The following MAP2K7 variants were observed in gnomAD, a reference collection of about 807,000 sequenced individuals.
The protein encoded by MAP2K7 is dual specificity mitogen-activated protein kinase kinase 7.
A neutral mutation model predicts 47.7 loss-of-function variants in MAP2K7; 12 were observed. That is an observed-to-expected ratio of 0.25 (90% CI 0.16 to 0.41). MAP2K7 has a LOEUF of 0.41. Ranked by LOEUF, MAP2K7 falls within the 10% of genes least tolerant of loss-of-function variation. The probability of loss-of-function intolerance (pLI) is 1.00; values close to 1 mark genes in which losing one functional copy is unlikely to be tolerated. For synonymous variants in MAP2K7, 299 were observed against 243.0 expected, an observed-to-expected ratio of 1.23 and a Z score of -2.14; for missense variants, 415 against 600.3, an observed-to-expected ratio of 0.69 and a Z score of 3.23.
At chr19:7,904,188 C>G (rs910742270) in intron 1 of MAP2K7, 120 bp downstream of exon 1, 29 of 827,860 alleles carry the variant, frequency 3.5e-5, no homozygotes, top group Non-Finnish European at 3.4e-5. Context: ...TCCTCTCCGC[C>G]CCCCCCGCTG....
intron 1 of MAP2K7, chr19:7,906,867 C>A: frequency 6.6e-6 from 1 of 152,298 alleles, no homozygotes; most frequent in Non-Finnish European, 1.5e-5. Flanking sequence ...ACTAAAAATA[C>A]AAAATTAGCC....
chr19:7,911,610 G>A (rs377123919), intron 9 of MAP2K7, 32 bp downstream of exon 9: 1 of 1,554,228 alleles, frequency 6.4e-7, no homozygotes. Context: ...GGAGGTCAGG[G>A]ACAGCCCGCT....
rs1037243514 is a variant in MAP2K7 at position 7,911,276 on chromosome 19, C to T, written c.882C>T (p.Pro294=). 11 of 1,613,154 alleles carry T rather than the reference C, an allele frequency of 6.8e-6. No homozygotes were observed. Among genetic ancestry groups the T allele is most frequent in the Admixed American group, 3.3e-5 (2 of 59,996 alleles). The change falls in exon 8 of 11, where the codon CCC becomes CCT. Residue 294 remains proline, a synonymous_variant. Coordinates refer to ENST00000397979, the MANE Select transcript of MAP2K7 (RefSeq NM_145185.4). ...CCGAGCGCATTGACCCCCCAGACCCCACCAAGCCGGACTATGACATCCGGG... is the reference window on the plus strand; with the variant it reads ...CCGAGCGCATTGACCCCCCAGACCCTACCAAGCCGGACTATGACATCCGGG... ...MAPERIDPPD[P]TKPDYDIRAD... is the part of the protein sequence containing the mutation.
intron 1 of MAP2K7, among the ~76,000 whole-genome samples, chr19:7,909,254 C>T (rs551173298): frequency 4.6e-5 from 7 of 152,314 alleles, no homozygotes; most frequent in African/African-American, 1.2e-4. Flanking sequence ...GTCTCGTGCC[C>T]GCTGCCTCCC....
chr19:7,905,609 C>A (rs1324595054), intron 1 of MAP2K7, among the ~76,000 whole-genome samples: 1 of 152,180 alleles, frequency 6.6e-6, no homozygotes. Flanking sequence ...CGAGGAGTCC[C>A]CTCCAGGCGT....
In MAP2K7 at chr19:7,903,914, G is replaced by T; in HGVS notation, c.-31G>T. 3 of 1,474,346 alleles carry T rather than the reference G, an allele frequency of 2.0e-6. No individual in the cohort carries two copies. The highest frequency in any genetic ancestry group is 2.7e-6 in the Non-Finnish European group (3 of 1,106,728). The allele number at this position is 1,474,346 out of a possible 1,614,324, so 91.3% of individuals were successfully genotyped here. On this transcript the variant is annotated 5_prime_UTR_variant, in exon 1 of 11. Transcript: ENST00000397979. ...GTCTGCCGGACTGACGGGCGGCCGG[G>T]CGGTGCGCGGCGGCGGTGGCGGCGG...
rs1982771205 is a variant in MAP2K7 at position 7,910,625 on chromosome 19, T to C, written c.567+53T>C. Reference sequence around the variant, plus strand: ...TCTCCTCCTCCCTCACCCCTGCCCCTTCCTAGGGAGCAGAGCCTCTGGGGG... The same window carrying C: ...TCTCCTCCTCCCTCACCCCTGCCCCCTCCTAGGGAGCAGAGCCTCTGGGGG... On this transcript the variant is annotated intron_variant, in intron 5 of 10. Transcript: ENST00000397979. The C allele has an allele frequency of 5.0e-6, 8 of 1,611,144 alleles. No individual in the cohort carries two copies. The South Asian group carries it at 6.6e-5, about 13-fold the overall frequency.
At chr19:7,908,432 C>T (rs1030478372) in intron 1 of MAP2K7, among the ~76,000 whole-genome samples, 7 of 152,140 alleles carry the variant, frequency 4.6e-5, no homozygotes, top group African/African-American at 1.2e-4. Flanking sequence ...TCCTGCCCCT[C>T]CTACTGGCTG....
chr19:7,911,647 CAGG>C (rs1284026834), intron 9 of MAP2K7, 69 bp downstream of exon 9: 1 of 1,448,580 alleles, frequency 6.9e-7, no homozygotes, highest in East Asian at 2.5e-5. Flanking sequence ...GAGGCAATGG[CAGG>C]AGGGGAATGG....
At chr19:7,907,835 G>A (rs1230479246) in intron 1 of MAP2K7, among the ~76,000 whole-genome samples, 1 of 152,028 alleles carries the variant, frequency 6.6e-6, no homozygotes, top group Non-Finnish European at 1.5e-5. Flanking sequence ...AGTGTCTCAA[G>A]AGATGCCAGG....
rs1332216223 is a variant in MAP2K7, at chr19:7,911,130, C to T, written c.826C>T (p.Arg276Trp). The change falls in exon 7 of 11, where the codon CGG becomes TGG. Residue 276 changes from arginine to tryptophan, a missense_variant. Around this residue, in one of 3 missense-constraint regions of MAP2K7, gnomAD observed 206 missense variants for 368.8 expected, o/e 0.56. Transcript: ENST00000397979. ...GRLVDSKAKT[R>W]SAGCAAYMAP... ...CCTGGTGGACTCCAAAGCCAAGACG[C>T]GGAGCGCCGGCTGTGCCGCCTACAT... 4.3e-6 allele frequency: 7 copies of T among 1,611,330 alleles called. No individual in the cohort carries two copies. Among genetic ancestry groups the T allele is most frequent in the South Asian group, 1.1e-5 (1 of 91,030 alleles).
In MAP2K7 at chr19:7,912,457, G is replaced by C; in HGVS notation, c.*26G>C. On this transcript the variant is annotated 3_prime_UTR_variant, in exon 11 of 11. Transcript: ENST00000397979. ...CTGCTTGGCGGCGGCCAGCCCCACA[G>C]GGGGCCAGGGGCATGGCCACAGGCC... is the stretch of plus-strand genomic sequence containing the variant. 6.3e-7 allele frequency: 1 copy of C among 1,595,922 alleles called. No individual in the cohort carries two copies. Among genetic ancestry groups the C allele is most frequent in the Non-Finnish European group, 8.5e-7 (1 of 1,174,798 alleles).
chr19:7,904,467 C>T (rs1302613813), intron 1 of MAP2K7: 2 of 375,256 alleles, frequency 5.3e-6, no homozygotes, highest in Middle Eastern at 3.5e-4. Context: ...TCTGGCGCCC[C>T]CCTCCCCCGG....
Position 7,913,272 on chromosome 19 carries a change from G to T in MAP2K7, c.*841G>T. ...GCTGGGCTGGGGCTGCTGCTCTGGGGTCTCCGGGGGCCACAGCTTGGGGTG... is the reference window on the plus strand; with the variant it reads ...GCTGGGCTGGGGCTGCTGCTCTGGGTTCTCCGGGGGCCACAGCTTGGGGTG... On this transcript the variant is annotated 3_prime_UTR_variant, in exon 11 of 11. Coordinates refer to ENST00000397979, the MANE Select transcript of MAP2K7 (RefSeq NM_145185.4). 6.5e-6 allele frequency: 1 copy of T among 152,768 alleles called. No individual in the cohort carries two copies. The highest frequency in any genetic ancestry group is 1.5e-5 in the Non-Finnish European group (1 of 68,224). The allele number at this position is 152,768 out of a possible 1,614,324, so 9.5% of individuals were successfully genotyped here.
At chr19:7,911,660 G>A (rs1339149162) in intron 9 of MAP2K7, 82 bp downstream of exon 9, 1 of 1,379,014 alleles carries the variant, frequency 7.3e-7, no homozygotes, top group Non-Finnish European at 9.7e-7. Context: ...GAGGGGAATG[G>A]AGGCCGCACC....
intron 1 of MAP2K7, among the ~76,000 whole-genome samples, chr19:7,907,460 G>GTCGGCGGGCAC (rs1308885785): frequency 1.3e-5 from 2 of 152,224 alleles, no homozygotes; most frequent in Non-Finnish European, 2.9e-5. Flanking sequence ...TGTGGCTCCT[G>GTCGGCGGGCAC]TCGGCAGACA....
rs753782312 is a variant in MAP2K7, at chr19:7,911,188, G to A, written c.855+29G>A. ...AGTGGGGGCCCCCCAGCGGGGGAGG[G>A]GGTGGGGGCTGGGAGGCCGGCCCCA... On this transcript the variant is annotated intron_variant, in intron 7 of 10. Transcript: ENST00000397979. The A allele has an allele frequency of 2.5e-5, 41 of 1,608,210 alleles. No individual in the cohort carries two copies. In the Admixed American group the frequency reaches 6.5e-4, roughly 26 times the overall value.
At chr19:7,905,901 C>T (rs745642638) in intron 1 of MAP2K7, 2 of 1,577,550 alleles carry the variant, frequency 1.3e-6, no homozygotes, top group Non-Finnish European at 8.7e-7. Flanking sequence ...GCACCATTGA[C>T]CTAACCGCTG....
In MAP2K7 at chr19:7,912,486, C is replaced by T. The variant is rs1266442699; in HGVS notation, c.*55C>T. On this transcript the variant is annotated 3_prime_UTR_variant, in exon 11 of 11. Transcript: ENST00000397979. Reference sequence around the variant, plus strand: ...GCCAGGGGCATGGCCACAGGCCCCCCTCCCCACTTGGCCACCCAGCTGCCT... The same window carrying T: ...GCCAGGGGCATGGCCACAGGCCCCCTTCCCCACTTGGCCACCCAGCTGCCT... The T allele has an allele frequency of 3.2e-6, 5 of 1,547,232 alleles. No individual in the cohort carries two copies. In the African/African-American group the frequency reaches 6.8e-5, roughly 21 times the overall value.
Sources: gnomAD v4.1 joint callset for allele counts (sites outside exome capture counted in the v4.1 genomes callset) on GRCh38, gnomAD v4.1.1 for gene constraint, gnomAD v4.1.1 regional missense constraint, MANE v1.5 for transcripts, NCBI Gene and HGNC (gene_info 2026-07-23, HGNC 2026-07-21) for gene names.